TRIM9: variants seen among roughly 807,000 people sequenced by gnomAD.
TRIM9 encodes E3 ubiquitin-protein ligase TRIM9.
In TRIM9, 26 loss-of-function variants were observed where a neutral mutation model predicts 78.3. The observed-to-expected ratio is 0.33, with a 90% CI of 0.24 to 0.46. The LOEUF (loss-of-function observed/expected upper bound fraction) is 0.46, where lower values mean the gene tolerates loss of function less well. TRIM9 is among the 20% of genes least tolerant of loss of function. The pLI is 1.00. For missense variants in TRIM9, 787 were observed against 1,036.4 expected (o/e 0.76, Z 3.30); for synonymous variants, 398 against 416.5 (o/e 0.96, Z 0.54).
intron 1 of TRIM9, among the ~76,000 whole-genome samples, chr14:51,063,009 T>C (rs530718874): frequency 9.2e-5 from 14 of 151,568 alleles, no homozygotes; most frequent in African/African-American, 3.2e-4. Flanking sequence ...GGAAGAAAAA[T>C]CAAGCAACAG....
intron 1 of TRIM9, among the ~76,000 whole-genome samples, chr14:51,064,743 A>G (rs2061606117): frequency 6.6e-6 from 1 of 152,116 alleles, no homozygotes; most frequent in Non-Finnish European, 1.5e-5. Context: ...AATGAAATCA[A>G]CAACAGCCTA....
chr14:51,002,461 A>C (rs1405245656), intron 5 of TRIM9, among the ~76,000 whole-genome samples: 1 of 152,086 alleles, frequency 6.6e-6, no homozygotes, highest in Admixed American at 6.6e-5. Flanking sequence ...CAGCTGCTTA[A>C]AAATTTTTTT....
At chr14:50,996,508 G>C in intron 7 of TRIM9, 2 of 985,308 alleles carry the variant, frequency 2.0e-6, no homozygotes, top group Non-Finnish European at 2.4e-6. Flanking sequence ...TAGTTTTCCC[G>C]CAGATCTGAT....
At chr14:51,043,690 C>T (rs987376329) in intron 1 of TRIM9, among the ~76,000 whole-genome samples, 9 of 152,296 alleles carry the variant, frequency 5.9e-5, no homozygotes, top group African/African-American at 2.2e-4. Context: ...CAGAACTGTG[C>T]AGCTCACTAA....
At chr14:51,050,005 G>A (rs549753397) in intron 1 of TRIM9, among the ~76,000 whole-genome samples, 152 of 152,226 alleles carry the variant, frequency 1.0e-3, no homozygotes, top group Non-Finnish European at 1.7e-3. Flanking sequence ...ATAGGGATTT[G>A]TAGGCAAGAA....
chr14:51,036,600 A>G (rs1375818421), intron 1 of TRIM9, among the ~76,000 whole-genome samples: 2 of 152,220 alleles, frequency 1.3e-5, no homozygotes, highest in Non-Finnish European at 2.9e-5. Context: ...TATGTAAATA[A>G]TTGTTACACT....
chr14:51,087,086 C>A (rs1453468118), intron 1 of TRIM9, among the ~76,000 whole-genome samples: 5 of 151,982 alleles, frequency 3.3e-5, no homozygotes, highest in Admixed American at 2.6e-4. Flanking sequence ...CATCAGGTTC[C>A]CGGTTGGCAG....
rs369630215 is a variant in TRIM9, at chr14:51,061,415, GA to G, written c.822+32702del. 4.2e-3 allele frequency among the ~76,000 whole-genome samples: 556 copies of G among 133,834 alleles called. 4 individuals are homozygous for G. Among genetic ancestry groups the G allele is most frequent in the African/African-American group, 6.2e-3 (225 of 36,512 alleles). The allele number at this position is 133,834 out of a possible 152,430, so 87.8% of individuals were successfully genotyped here. A position where few individuals can be genotyped will look rare whatever the true frequency, so the allele number is the denominator to read the frequency against. ...GTGACAAAGCAAGACTCTGTCTCAAGAAAAAAAAAAAAAAAATTGGATTGTT... is the reference window on the plus strand; with the variant it reads ...GTGACAAAGCAAGACTCTGTCTCAAGAAAAAAAAAAAAAAATTGGATTGTT... On this transcript the variant is annotated intron_variant, in intron 1 of 12. Coordinates refer to ENST00000684578, the MANE Select transcript of TRIM9 (RefSeq NM_001387360.1).
chr14:51,091,726 T>G (rs1007022269), intron 1 of TRIM9, among the ~76,000 whole-genome samples: 1 of 152,220 alleles, frequency 6.6e-6, no homozygotes, highest in Admixed American at 6.5e-5. Flanking sequence ...AAAAATTATG[T>G]GTCCTTACTG....
At position 50,975,649 on chromosome 14, in the gene TRIM9, A is replaced by T. The variant is rs1051366411; in HGVS notation, c.*1642T>A. ...AAAGTAAATAATTAGCTATTTACAT[A>T]TATTCCTTTTTGCCAAAACTTTAAT... On this transcript the variant is annotated 3_prime_UTR_variant, in exon 13 of 13. Coordinates refer to ENST00000684578, the MANE Select transcript of TRIM9 (RefSeq NM_001387360.1). 5 of 152,686 alleles carry T rather than the reference A, an allele frequency of 3.3e-5. No homozygotes were observed. Among genetic ancestry groups the T allele is most frequent in the African/African-American group, 4.8e-5 (2 of 41,462 alleles). 9.5% of individuals were successfully genotyped at this position (152,686 alleles called of 1,614,324 possible). A position where few individuals can be genotyped will look rare whatever the true frequency, so the allele number is the denominator to read the frequency against.
intron 7 of TRIM9, chr14:50,996,744 G>T: frequency 3.0e-6 from 3 of 985,450 alleles, no homozygotes; most frequent in Non-Finnish European, 3.6e-6. Context: ...GAGAGAAGGT[G>T]CTAAAATGAT....
intron 3 of TRIM9, among the ~76,000 whole-genome samples, chr14:51,018,582 AATG>A (rs2057449801): frequency 6.6e-6 from 1 of 152,208 alleles, no homozygotes; most frequent in Admixed American, 6.5e-5. Flanking sequence ...TGGTGAAAAG[AATG>A]ATAATTATTC....
intron 5 of TRIM9, among the ~76,000 whole-genome samples, chr14:51,003,646 TAA>T: frequency 7.3e-6 from 1 of 137,620 alleles, no homozygotes; most frequent in African/African-American, 2.7e-5. Flanking sequence ...ACCAAAAGGA[TAA>T]AAAAAAAAGG....
chr14:51,050,452 C>T (rs547951432), intron 1 of TRIM9, among the ~76,000 whole-genome samples: 47 of 152,278 alleles, frequency 3.1e-4, no homozygotes, highest in African/African-American at 1.1e-3. Flanking sequence ...TGTGAGGCCT[C>T]CCCAGCCACG....
At chr14:51,029,257 T>A (rs143445589) in intron 1 of TRIM9, among the ~76,000 whole-genome samples, 238 of 152,194 alleles carry the variant, frequency 1.6e-3, no homozygotes, top group Non-Finnish European at 2.9e-3. Context: ...GTCAAAAGGG[T>A]CACTCGAAGA....
intron 7 of TRIM9, chr14:50,997,372 C>A: frequency 7.1e-6 from 7 of 985,322 alleles, no homozygotes; most frequent in Non-Finnish European, 8.4e-6. Context: ...TCTCGGTAGC[C>A]TAGCCAAGAC....
At chr14:51,011,208 A>C (rs2056536452) in intron 3 of TRIM9, among the ~76,000 whole-genome samples, 1 of 152,222 alleles carries the variant, frequency 6.6e-6, no homozygotes, top group Non-Finnish European at 1.5e-5. Flanking sequence ...GCTTTAACCT[A>C]AATAGGCATC....
At chr14:51,060,913 T>G (rs973796199) in intron 1 of TRIM9, among the ~76,000 whole-genome samples, 1 of 152,264 alleles carries the variant, frequency 6.6e-6, no homozygotes, top group African/African-American at 2.4e-5. Context: ...CTAGCAATGG[T>G]AGAAAATTCT....
intron 1 of TRIM9, among the ~76,000 whole-genome samples, chr14:51,086,709 G>A (rs1467835228): frequency 6.6e-6 from 1 of 152,138 alleles, no homozygotes; most frequent in Non-Finnish European, 1.5e-5. Context: ...GGAGGAGGGT[G>A]AGCTGAACAG....
Sources: allele counts gnomAD v4.1 joint callset (sites outside exome capture counted in the v4.1 genomes callset), GRCh38; gene constraint gnomAD v4.1.1; transcripts MANE v1.5; gene names NCBI Gene and HGNC (gene_info 2026-07-23, HGNC 2026-07-21).